The following PUS7L variants were observed in gnomAD, a reference collection of about 807,000 sequenced individuals.
The protein encoded by PUS7L is pseudouridine synthase 7 like.
PUS7L carries 49 observed loss-of-function variants against 51.1 expected under a neutral mutation model. That is an observed-to-expected ratio of 0.96 (90% CI 0.76 to 1.22). PUS7L has a LOEUF of 1.22. PUS7L is among the 50% of genes most tolerant of loss of function. The pLI, the probability that PUS7L is intolerant of heterozygous loss-of-function variation, is 0.00. For synonymous variants in PUS7L, 277 were observed against 276.2 expected (o/e 1.00, Z -0.03); for missense variants, 828 against 820.6 (o/e 1.01, Z -0.11).
At chr12:43,756,341 A>G (rs1938699091) in intron 1 of PUS7L, among the ~76,000 whole-genome samples, 1 of 152,098 alleles carries the variant, frequency 6.6e-6, no homozygotes, top group Non-Finnish European at 1.5e-5. Context: ...TCTCAAGTAA[A>G]GGCTATTTTT....
chr12:43,749,436 C>T (rs1353472368), intron 2 of PUS7L, among the ~76,000 whole-genome samples: 1 of 152,158 alleles, frequency 6.6e-6, no homozygotes, highest in African/African-American at 2.4e-5. Flanking sequence ...GTAATCTCGG[C>T]ACTCTGGGAG....
chr12:43,727,919 T>C lies in PUS7L; in HGVS notation c.*2457A>G, dbSNP rs1454966239. On this transcript the variant is annotated 3_prime_UTR_variant, in exon 9 of 9. Coordinates refer to ENST00000344862, the MANE Select transcript of PUS7L (RefSeq NM_031292.5). ...TCAGCAAAGGGTAGGTTTGAGATGT[T>C]TGGGTAGGTTAAGTGGGCATTTTGA... is the stretch of plus-strand genomic sequence containing the variant. The C allele has an allele frequency of 6.6e-6, 1 of 152,090 alleles. No individual in the cohort carries two copies. The allele number at this position is 152,090 out of a possible 1,614,324, so 9.4% of individuals were successfully genotyped here. A position where few individuals can be genotyped will look rare whatever the true frequency, so the allele number is the denominator to read the frequency against.
intron 2 of PUS7L, 53 bp from the exon 3 acceptor site, chr12:43,748,662 TTA>T (rs1938293869): frequency 2.3e-5 from 31 of 1,332,940 alleles, no homozygotes; most frequent in Non-Finnish European, 3.2e-5. Flanking sequence ...CATACATCAA[TTA>T]CATTCTTAGC....
chr12:43,752,527 A>G (rs1233386036), intron 2 of PUS7L, among the ~76,000 whole-genome samples: 1 of 152,168 alleles, frequency 6.6e-6, no homozygotes, highest in African/African-American at 2.4e-5. Context: ...TGTGGCATAC[A>G]CCTACCATGG....
chr12:43,746,343 A>G, intron 3 of PUS7L, 105 bp from the exon 4 acceptor site: 1 of 532,076 alleles, frequency 1.9e-6, no homozygotes. Context: ...ATATGAGAAT[A>G]CTAATACAAT....
At position 43,720,116 on chromosome 12, in the gene PUS7L, C is replaced by T. The variant is rs1404254515; in HGVS notation, c.*10260G>A. The stretch of plus-strand genomic sequence containing the variant: ...TCTACATGCTGCTTTAAGTGCATCC[C>T]ACAAGTTTTGATGTGTAGTATGGTT... On this transcript the variant is annotated 3_prime_UTR_variant, in exon 9 of 9. Coordinates refer to ENST00000344862, the MANE Select transcript of PUS7L (RefSeq NM_031292.5). The T allele has an allele frequency of 6.6e-6, 1 of 152,162 alleles. No homozygotes were observed. Among genetic ancestry groups the T allele is most frequent in the African/African-American group, 2.4e-5 (1 of 41,442 alleles). 9.4% of individuals were successfully genotyped at this position (152,162 alleles called of 1,614,324 possible). A position where few individuals can be genotyped will look rare whatever the true frequency, so the allele number is the denominator to read the frequency against.
chr12:43,734,462 C>G (rs1944635083), intron 7 of PUS7L, among the ~76,000 whole-genome samples: 1 of 152,120 alleles, frequency 6.6e-6, no homozygotes, highest in Non-Finnish European at 1.5e-5. Context: ...CAATAAATTC[C>G]CATGTTTCTT....
At chr12:43,733,293 C>T (rs936736174) in intron 7 of PUS7L, among the ~76,000 whole-genome samples, 1 of 152,150 alleles carries the variant, frequency 6.6e-6, no homozygotes, top group African/African-American at 2.4e-5. Flanking sequence ...ATTGTAGATG[C>T]ATATTACATG....
intron 3 of PUS7L, among the ~76,000 whole-genome samples, chr12:43,747,805 T>C (rs1046359419): frequency 3.9e-5 from 6 of 152,262 alleles, no homozygotes; most frequent in Non-Finnish European, 5.9e-5. Flanking sequence ...GTTTATTTTT[T>C]TGAGACGGAG....
rs1241057550 is a variant in PUS7L, at chr12:43,722,637, T to C, written c.*7739A>G. The C allele has an allele frequency of 5.3e-5, 8 of 152,112 alleles. No homozygotes were observed. The highest frequency in any genetic ancestry group is 1.2e-4 in the Non-Finnish European group (8 of 67,986). 9.4% of individuals were successfully genotyped at this position (152,112 alleles called of 1,614,324 possible). On this transcript the variant is annotated 3_prime_UTR_variant, in exon 9 of 9. Coordinates refer to ENST00000344862, the MANE Select transcript of PUS7L (RefSeq NM_031292.5). ...AAAAAATTCATTTTATTATAACCTA[T>C]CATTCATTTTATTATAATGGAATTA...
Position 43,720,055 on chromosome 12 carries a change from CT to C in PUS7L, c.*10320del, listed in dbSNP as rs1944379357. 6.6e-6 allele frequency: 1 copy of C among 152,174 alleles called. No individual in the cohort carries two copies. Among genetic ancestry groups the C allele is most frequent in the African/African-American group, 2.4e-5 (1 of 41,446 alleles). 9.4% of individuals were successfully genotyped at this position (152,174 alleles called of 1,614,324 possible). On this transcript the variant is annotated 3_prime_UTR_variant, in exon 9 of 9. Coordinates refer to ENST00000344862, the MANE Select transcript of PUS7L (RefSeq NM_031292.5). ...AGCTACATAATGTACAGACTTCCTTCTTTTCTACCATAAGCATTTATGAATA... is the reference window on the plus strand; with the variant it reads ...AGCTACATAATGTACAGACTTCCTTCTTTCTACCATAAGCATTTATGAATA...
At chr12:43,741,716 TAA>T (rs1482008102) in intron 5 of PUS7L, among the ~76,000 whole-genome samples, 2 of 152,202 alleles carry the variant, frequency 1.3e-5, no homozygotes, top group Non-Finnish European at 2.9e-5. Flanking sequence ...AGATGTGGTC[TAA>T]ATCATCAGCT....
In PUS7L at chr12:43,748,717, T is replaced by TTTG. The variant is rs560116165; in HGVS notation, c.911-111_911-109dup. The TTTG allele has an allele frequency of 1.5e-3, 1,422 of 929,732 alleles. 3 individuals carry two copies. The highest frequency in any genetic ancestry group is 2.1e-3 in the South Asian group (112 of 52,226). The allele number at this position is 929,732 out of a possible 1,614,324, so 57.6% of individuals were successfully genotyped here. On this transcript the variant is annotated intron_variant, in intron 2 of 8. Transcript: ENST00000344862. ...AAATCAAACTATTAATCTAAGGAGT[T>TTTG]TTGTTGTTGTTGTTGTTGTTGTTTT... is the stretch of plus-strand genomic sequence containing the variant.
At chr12:43,735,654 A>G (rs1482871970) in intron 7 of PUS7L, among the ~76,000 whole-genome samples, 1 of 152,122 alleles carries the variant, frequency 6.6e-6, no homozygotes, top group Non-Finnish European at 1.5e-5. Context: ...TTCAATGGAT[A>G]TTTATGTGAA....
intron 2 of PUS7L, among the ~76,000 whole-genome samples, chr12:43,753,509 G>A (rs532488153): frequency 5.3e-5 from 8 of 152,242 alleles, no homozygotes; most frequent in Admixed American, 4.6e-4. Flanking sequence ...GTGTCACTGT[G>A]CAAATTTAGG....
rs116442170 is a variant in PUS7L at position 43,742,644 on chromosome 12, T to G, written c.1264-89A>C. ...AATTGAATTTTTCTCTTCATAATTA[T>G]TTTAACAGAATAACTCTGTAATCAG... On this transcript the variant is annotated intron_variant, in intron 4 of 8. Transcript: ENST00000344862. The G allele has an allele frequency of 2.6e-3, 3,750 of 1,446,026 alleles. 73 individuals carry two copies. The African/African-American group carries it at 0.05, about 19-fold the overall frequency. 89.6% of individuals were successfully genotyped at this position (1,446,026 alleles called of 1,614,324 possible).
At chr12:43,741,771 G>A (rs1042023018) in intron 5 of PUS7L, among the ~76,000 whole-genome samples, 2 of 152,036 alleles carry the variant, frequency 1.3e-5, no homozygotes, top group African/African-American at 2.4e-5. Context: ...AATGCACTAC[G>A]CTTCTCACAA....
At chr12:43,733,917 A>G (rs1222230969) in intron 7 of PUS7L, among the ~76,000 whole-genome samples, 3 of 151,994 alleles carry the variant, frequency 2.0e-5, no homozygotes, top group Non-Finnish European at 4.4e-5. Context: ...TTTCTTTCCT[A>G]TTAGGTTGGA....
rs775723092 is a variant in PUS7L, at chr12:43,755,035, G to T, written c.211C>A (p.Pro71Thr). 23 of 1,612,734 alleles carry T rather than the reference G, an allele frequency of 1.4e-5. No homozygotes were observed. Among genetic ancestry groups the T allele is most frequent in the South Asian group, 5.5e-5 (5 of 90,948 alleles). Residue 71 changes from proline (P) to threonine (T), a missense_variant, in exon 2 of 9, where the codon CCA (proline) becomes ACA (threonine). Transcript: ENST00000344862. ...GACAGATTTTGAAGATCTAGTTTTG[G>T]TTTTTTGGGAAAATTATTTGGCTCA... Reference protein sequence around the residue: ...QLEPNNFPKKPKLDLQNLSLE... With the variant: ...QLEPNNFPKKTKLDLQNLSLE...
Sources: allele counts gnomAD v4.1 joint callset (sites outside exome capture counted in the v4.1 genomes callset), GRCh38; gene constraint gnomAD v4.1.1; transcripts MANE v1.5; gene names NCBI Gene and HGNC (gene_info 2026-07-23, HGNC 2026-07-21).